The following FAM53B variants were observed in gnomAD, a reference collection of about 807,000 sequenced individuals.
FAM53B encodes protein FAM53B.
In FAM53B, 12 loss-of-function variants were observed where a neutral mutation model predicts 32.7. That is an observed-to-expected ratio of 0.37 (90% CI 0.24 to 0.59). The LOEUF (loss-of-function observed/expected upper bound fraction) is 0.59, where lower values mean the gene tolerates loss of function less well. Among genes scored for constraint, FAM53B ranks in the 20% least tolerant of loss-of-function variants. The probability of loss-of-function intolerance (pLI) is 0.72; values close to 1 mark genes in which losing one functional copy is unlikely to be tolerated. For missense variants in FAM53B, 477 were observed against 577.7 expected, an observed-to-expected ratio of 0.83 and a Z score of 1.79; for synonymous variants, 234 against 228.7, an observed-to-expected ratio of 1.02 and a Z score of -0.21.
At chr10:124,679,734 C>A (rs946933739) in intron 4 of FAM53B, among the ~76,000 whole-genome samples, 5 of 152,274 alleles carry the variant, frequency 3.3e-5, no homozygotes, top group African/African-American at 1.2e-4. Flanking sequence ...TCCTCAGGCT[C>A]CGCACACCTT....
rs146507042 is a variant in FAM53B at position 124,623,333 on chromosome 10, G to A, written c.1178C>T (p.Pro393Leu). 2.3e-5 allele frequency: 37 copies of A among 1,612,248 alleles called. 1 individual carries two copies. Among genetic ancestry groups the A allele is most frequent in the Middle Eastern group, 1.6e-4 (1 of 6,084 alleles). Residue 393 changes from proline to leucine, a missense_variant, in exon 5 of 5, where the codon CCG (proline) becomes CTG (leucine). Coordinates refer to ENST00000337318, the MANE Select transcript of FAM53B (RefSeq NM_014661.4). ...LDEDCGRRAE[P>L]AAAWRDRGAP... Reference sequence around the variant, plus strand: ...CCCGCGGTCCCGCCAGGCTGCAGCCGGCTCCGCTCTCCTGCCACAATCCTC... The same window carrying A: ...CCCGCGGTCCCGCCAGGCTGCAGCCAGCTCCGCTCTCCTGCCACAATCCTC...
rs147072287 is a variant in FAM53B, at chr10:124,629,003, G to A, written c.907-5399C>T. On this transcript the variant is annotated intron_variant, in intron 4 of 4. Transcript: ENST00000337318. ...CACGAGAATCCCCGGCTCAGGCCCC[G>A]CTTCTAGAGACCCAATCTAAAGCCA... Among the ~76,000 whole-genome samples, 234 of 152,346 alleles carry A rather than the reference G, an allele frequency of 1.5e-3. 1 individual carries two copies. The highest frequency in any genetic ancestry group is 5.5e-3 in the African/African-American group (228 of 41,578).
At chr10:124,738,167 A>G (rs1460651045) in intron 1 of FAM53B, among the ~76,000 whole-genome samples, 1 of 151,942 alleles carries the variant, frequency 6.6e-6, no homozygotes, top group Non-Finnish European at 1.5e-5. Context: ...AAAGCCCCCA[A>G]TCTCCTGCTA....
chr10:124,718,423 G>A (rs959591151), intron 1 of FAM53B, among the ~76,000 whole-genome samples: 20 of 151,940 alleles, frequency 1.3e-4, no homozygotes, highest in Non-Finnish European at 2.5e-4. Context: ...CCCACATCGC[G>A]CTGCAAGCTC....
chr10:124,714,758 C>CAAAAAA (rs71484584), intron 1 of FAM53B, among the ~76,000 whole-genome samples: 4 of 90,836 alleles, frequency 4.4e-5, no homozygotes, highest in South Asian at 3.4e-4. Flanking sequence ...GACTCCACCT[C>CAAAAAA]AAAAAAAAAA....
At chr10:124,649,830 G>A (rs544069806) in intron 4 of FAM53B, among the ~76,000 whole-genome samples, 15 of 152,104 alleles carry the variant, frequency 9.9e-5, no homozygotes, top group African/African-American at 3.1e-4. Flanking sequence ...CCAAATATAC[G>A]TAAGTCCCCA....
chr10:124,631,204 G>A (rs897298), intron 4 of FAM53B, among the ~76,000 whole-genome samples: 79,867 of 152,060 alleles, frequency 0.53, 21,607 homozygotes, highest in Non-Finnish European at 0.59. Context: ...CACCCCTCCC[G>A]CTGGATTCTT....
chr10:124,633,530 C>T (rs113013877), intron 4 of FAM53B, among the ~76,000 whole-genome samples: 17 of 152,270 alleles, frequency 1.1e-4, no homozygotes, highest in East Asian at 3.9e-4. Flanking sequence ...TAGACTAGCC[C>T]GTACCATATA....
intron 1 of FAM53B, among the ~76,000 whole-genome samples, chr10:124,738,238 C>T (rs1222224184): frequency 6.6e-6 from 1 of 152,156 alleles, no homozygotes; most frequent in Non-Finnish European, 1.5e-5. Flanking sequence ...ACAGCCCTCA[C>T]TCCTCAGTCT....
chr10:124,650,241 G>A (rs546263176), intron 4 of FAM53B, among the ~76,000 whole-genome samples: 2 of 152,306 alleles, frequency 1.3e-5, no homozygotes, highest in African/African-American at 4.8e-5. Context: ...TCCAAGGAAG[G>A]ACTCTCTATC....
intron 4 of FAM53B, among the ~76,000 whole-genome samples, chr10:124,650,968 G>A (rs973651084): frequency 7.9e-5 from 12 of 151,880 alleles, no homozygotes; most frequent in African/African-American, 1.9e-4. Context: ...ACTCACGGGC[G>A]CTGAGTCACA....
intron 4 of FAM53B, among the ~76,000 whole-genome samples, chr10:124,665,907 G>A (rs1432363542): frequency 6.6e-6 from 1 of 150,548 alleles, no homozygotes; most frequent in Non-Finnish European, 1.5e-5. Context: ...ACTGTGACTC[G>A]GCTTATAGTC....
intron 4 of FAM53B, among the ~76,000 whole-genome samples, chr10:124,635,932 A>G (rs1949428066): frequency 6.6e-6 from 1 of 152,244 alleles, no homozygotes; most frequent in Non-Finnish European, 1.5e-5. Context: ...TTATAATAAG[A>G]ATTGAAATTC....
chr10:124,728,246 C>T (rs1950120117), intron 1 of FAM53B, among the ~76,000 whole-genome samples: 1 of 152,208 alleles, frequency 6.6e-6, no homozygotes, highest in African/African-American at 2.4e-5. Context: ...CATACAACTC[C>T]CAATCACAGA....
intron 4 of FAM53B, among the ~76,000 whole-genome samples, chr10:124,668,243 G>A (rs182787382): frequency 3.3e-4 from 51 of 152,352 alleles, no homozygotes; most frequent in Middle Eastern, 3.4e-3. Flanking sequence ...CAACATCTGC[G>A]GAAATGCTCT....
intron 3 of FAM53B, among the ~76,000 whole-genome samples, chr10:124,695,314 C>T (rs1366459074): frequency 6.6e-6 from 1 of 152,184 alleles, no homozygotes; most frequent in African/African-American, 2.4e-5. Context: ...AGAGGTCAAA[C>T]AATGCCCAAT....
intron 4 of FAM53B, among the ~76,000 whole-genome samples, chr10:124,625,770 AG>A (rs1949344318): frequency 6.6e-6 from 1 of 152,178 alleles, no homozygotes; most frequent in African/African-American, 2.4e-5. Flanking sequence ...GGCACAAAAC[AG>A]GGGCAAGATG....
chr10:124,739,770 C>T (rs1277332890), intron 1 of FAM53B, among the ~76,000 whole-genome samples: 1 of 152,030 alleles, frequency 6.6e-6, no homozygotes, highest in African/African-American at 2.4e-5. Context: ...ACCATTAAAG[C>T]GGGGGTGCCT....
At chr10:124,648,465 T>A (rs1040555090) in intron 4 of FAM53B, among the ~76,000 whole-genome samples, 1 of 151,912 alleles carries the variant, frequency 6.6e-6, no homozygotes, top group Non-Finnish European at 1.5e-5. Flanking sequence ...ATCACACATC[T>A]CCCCGCTCCT....
Sources: allele counts gnomAD v4.1 joint callset (sites outside exome capture counted in the v4.1 genomes callset), GRCh38; gene constraint gnomAD v4.1.1; transcripts MANE v1.5; gene names NCBI Gene and HGNC (gene_info 2026-07-23, HGNC 2026-07-21).